SLC4A8: variants seen among roughly 807,000 people sequenced by gnomAD.
The protein encoded by SLC4A8 is solute carrier family 4 member 8.
Under a neutral mutation model 125.0 loss-of-function variants are expected in SLC4A8, and 40 were observed. That is an observed-to-expected ratio of 0.32 (90% CI 0.25 to 0.42). SLC4A8 has a LOEUF of 0.42. Ranked by LOEUF, SLC4A8 falls within the 10% of genes least tolerant of loss-of-function variation. The pLI, the probability that SLC4A8 is intolerant of heterozygous loss-of-function variation, is 1.00. For synonymous variants in SLC4A8, 456 were observed against 476.0 expected (o/e 0.96, Z 0.55); for missense variants, 863 against 1,355.1 (o/e 0.64, Z 5.70).
At chr12:51,477,345 G>T (rs921568367) in intron 16 of SLC4A8, among the ~76,000 whole-genome samples, 2 of 152,224 alleles carry the variant, frequency 1.3e-5, no homozygotes, top group African/African-American at 4.8e-5. Context: ...AAGGCTAAAC[G>T]GTTGGTATTA....
rs952035180 is a variant in SLC4A8 at position 51,513,822 on chromosome 12, T to C, written c.*6384T>C. ...GGTATGTGCTAAGTCCCAGGCTTGG[T>C]TGATATCTCAGACTATGATAGCTGT... is the stretch of plus-strand genomic sequence containing the variant. On this transcript the variant is annotated 3_prime_UTR_variant, in exon 25 of 25. Coordinates refer to ENST00000453097, the MANE Select transcript of SLC4A8 (RefSeq NM_001039960.3). 4 of 152,234 alleles carry C rather than the reference T, an allele frequency of 2.6e-5. No homozygotes were observed. The highest frequency in any genetic ancestry group is 4.4e-5 in the Non-Finnish European group (3 of 68,040). 9.4% of individuals were successfully genotyped at this position (152,234 alleles called of 1,614,324 possible). A position where few individuals can be genotyped will look rare whatever the true frequency, so the allele number is the denominator to read the frequency against.
intron 2 of SLC4A8, among the ~76,000 whole-genome samples, chr12:51,444,543 A>G (rs1334219955): frequency 6.6e-6 from 1 of 152,222 alleles, no homozygotes; most frequent in Non-Finnish European, 1.5e-5. Flanking sequence ...CTTCACCATT[A>G]TGCCTCAAAC....
At position 51,511,160 on chromosome 12, in the gene SLC4A8, T is replaced by C. The variant is rs1263322045; in HGVS notation, c.*3722T>C. 3 of 152,216 alleles carry C rather than the reference T, an allele frequency of 2.0e-5. No homozygotes were observed. The highest frequency in any genetic ancestry group is 7.2e-5 in the African/African-American group (3 of 41,440). The allele number at this position is 152,216 out of a possible 1,614,324, so 9.4% of individuals were successfully genotyped here. A position where few individuals can be genotyped will look rare whatever the true frequency, so the allele number is the denominator to read the frequency against. The stretch of plus-strand genomic sequence containing the variant: ...TTACTTTCAGGAATTCCTCCTGGAA[T>C]TGGTTTTCCTTGGTGGTAATTTCTC... On this transcript the variant is annotated 3_prime_UTR_variant, in exon 25 of 25. Coordinates refer to ENST00000453097, the MANE Select transcript of SLC4A8 (RefSeq NM_001039960.3).
At chr12:51,455,308 T>C (rs1950109683) in intron 5 of SLC4A8, among the ~76,000 whole-genome samples, 1 of 150,984 alleles carries the variant, frequency 6.6e-6, no homozygotes, top group South Asian at 2.1e-4. Flanking sequence ...AAACGGTTCC[T>C]ACCTTCAAGG....
At chr12:51,400,270 G>A (rs1948347789) in intron 1 of SLC4A8, among the ~76,000 whole-genome samples, 1 of 152,216 alleles carries the variant, frequency 6.6e-6, no homozygotes, top group African/African-American at 2.4e-5. Flanking sequence ...AGTTATGTTT[G>A]CTGAGGGCAG....
intron 22 of SLC4A8, 40 bp from the exon 23 acceptor site, chr12:51,503,989 T>G (rs1233899010): frequency 8.6e-7 from 1 of 1,160,502 alleles, no homozygotes; most frequent in Admixed American, 2.1e-5. Context: ...CTTATGGTCT[T>G]ACTTGGTCCA....
intron 17 of SLC4A8, among the ~76,000 whole-genome samples, chr12:51,487,924 G>A (rs1951204053): frequency 6.6e-6 from 1 of 152,192 alleles, no homozygotes; most frequent in Admixed American, 6.5e-5. Flanking sequence ...GAAGTCGTAG[G>A]AGAATAGTCT....
intron 16 of SLC4A8, among the ~76,000 whole-genome samples, chr12:51,481,342 C>A (rs1343946085): frequency 1.3e-5 from 2 of 152,136 alleles, no homozygotes; most frequent in Admixed American, 1.3e-4. Context: ...CTACCATCCC[C>A]CTCAAAAACA....
intron 1 of SLC4A8, among the ~76,000 whole-genome samples, chr12:51,433,169 A>T (rs1005583634): frequency 6.6e-6 from 1 of 152,094 alleles, no homozygotes; most frequent in Non-Finnish European, 1.5e-5. Context: ...CTGGTCTGCT[A>T]CTCAGTTATA....
In SLC4A8 at chr12:51,408,086, CCTACTCCAGT is replaced by C. The variant is rs1434592256; in HGVS notation, c.-112+16599_-112+16608del. On this transcript the variant is annotated intron_variant, in intron 1 of 24. Transcript: ENST00000358657. ...CAGTCATATTGGATTAGGAGCCCAC[CCTACTCCAGT>C]ATGACCTCATCTTAACTGATTACAC... Among the ~76,000 whole-genome samples, 13 of 152,192 alleles carry C rather than the reference CCTACTCCAGT, an allele frequency of 8.5e-5. 1 individual carries two copies. Among genetic ancestry groups the C allele is most frequent in the Non-Finnish European group, 1.6e-4 (11 of 68,042 alleles).
intron 2 of SLC4A8, 60 bp from the exon 3 acceptor site, chr12:51,450,816 G>A: frequency 6.4e-7 from 1 of 1,558,914 alleles, no homozygotes; most frequent in Non-Finnish European, 8.8e-7. Context: ...TAGGCTTTTT[G>A]TTGTTGTTGT....
intron 14 of SLC4A8, among the ~76,000 whole-genome samples, chr12:51,472,682 T>C (rs948621593): frequency 3.9e-5 from 6 of 152,184 alleles, no homozygotes; most frequent in Non-Finnish European, 8.8e-5. Context: ...ATGAGGCTTA[T>C]ATCTGAGAAG....
chr12:51,451,209 G>A (rs561917497), intron 3 of SLC4A8, among the ~76,000 whole-genome samples, 187 bp downstream of exon 3: 142 of 152,162 alleles, frequency 9.3e-4, no homozygotes, highest in African/African-American at 3.2e-3. Context: ...CACAGTTCCG[G>A]GCGGCTGGGA....
chr12:51,462,108 C>A, intron 9 of SLC4A8: 1 of 573,690 alleles, frequency 1.7e-6, no homozygotes, highest in African/African-American at 1.9e-5. Context: ...GTATTTAGTT[C>A]TTTTAATGCA....
intron 3 of SLC4A8, among the ~76,000 whole-genome samples, chr12:51,451,785 TAA>T (rs1182189104): frequency 1.4e-5 from 2 of 140,600 alleles, no homozygotes; most frequent in African/African-American, 2.6e-5. Context: ...AAAGCAAATG[TAA>T]AAAAAAAAAA....
chr12:51,507,187 A>G (rs542261327), intron 24 of SLC4A8, among the ~76,000 whole-genome samples: 109 of 152,248 alleles, frequency 7.2e-4, no homozygotes, highest in Non-Finnish European at 1.4e-3. Flanking sequence ...CGAATGGGTT[A>G]AAATGAATCT....
At chr12:51,474,936 C>A in intron 15 of SLC4A8, 109 bp from the exon 16 acceptor site, 2 of 1,006,376 alleles carry the variant, frequency 2.0e-6, no homozygotes, top group Non-Finnish European at 3.0e-6. Flanking sequence ...CTGCTTGCAG[C>A]CTCTGCTCCC....
intron 23 of SLC4A8, among the ~76,000 whole-genome samples, chr12:51,505,195 CTT>C (rs1469336513): frequency 1.3e-5 from 2 of 152,170 alleles, no homozygotes; most frequent in Admixed American, 6.5e-5. Context: ...TGCCTCCTCT[CTT>C]GGCATTTTAG....
rs546473549 is a variant in SLC4A8 at position 51,441,487 on chromosome 12, G to A, written c.130+698G>A. Among the ~76,000 whole-genome samples, 5 of 152,246 alleles carry A rather than the reference G, an allele frequency of 3.3e-5. No homozygotes were observed. In the South Asian group the frequency reaches 8.3e-4, roughly 25 times the overall value. The stretch of plus-strand genomic sequence containing the variant: ...GTCCTGCTTTCCTTTTTCCCCTGGG[G>A]ACTAGTTGGTGTGTTAGGAGTTGGA... On this transcript the variant is annotated intron_variant, in intron 2 of 24. Transcript: ENST00000453097.
Sources: allele counts gnomAD v4.1 joint callset (sites outside exome capture counted in the v4.1 genomes callset), GRCh38; gene constraint gnomAD v4.1.1; transcripts MANE v1.5; gene names NCBI Gene and HGNC (gene_info 2026-07-23, HGNC 2026-07-21).